The following RYR3 variants were observed in gnomAD, a reference collection of about 807,000 sequenced individuals.
The protein encoded by RYR3 is brain ryanodine receptor-calcium release channel.
A neutral mutation model predicts 584.3 loss-of-function variants in RYR3; 207 were observed. The ratio of observed to expected loss-of-function variants is 0.35; its 90% CI spans 0.32 to 0.40. RYR3 has a LOEUF of 0.40. Ranked by LOEUF, RYR3 falls within the 10% of genes least tolerant of loss-of-function variation. RYR3 has a pLI of 1.00. For missense variants in RYR3, 5,616 were observed against 6,089.2 expected, an observed-to-expected ratio of 0.92 and a Z score of 2.59; for synonymous variants, 2,416 against 2,248.5, an observed-to-expected ratio of 1.07 and a Z score of -2.11.
intron 1 of RYR3, among the ~76,000 whole-genome samples, chr15:33,328,659 A>G (rs950432876): frequency 1.3e-5 from 2 of 152,192 alleles, no homozygotes; most frequent in African/African-American, 4.8e-5. Context: ...TTCAGATGTT[A>G]CAGAGGTGTA....
At position 33,584,560 on chromosome 15, in the gene RYR3, A is replaced by C; in HGVS notation, c.1669+70A>C. ...TTTTTTTCTTTCTGTAAAAAAAGAA[A>C]ACAAAGTTGAATCTTTTCCAATGGA... On this transcript the variant is annotated intron_variant, in intron 15 of 103. Coordinates refer to ENST00000634891, the MANE Select transcript of RYR3 (RefSeq NM_001036.6). 9 of 712,970 alleles carry C rather than the reference A, an allele frequency of 1.3e-5. No homozygotes were observed. In the South Asian group the frequency reaches 1.6e-4, roughly 13 times the overall value. 44.2% of individuals were successfully genotyped at this position (712,970 alleles called of 1,614,324 possible).
rs561810129 is a variant in RYR3 at position 33,813,349 on chromosome 15, T to C, written c.10390-118T>C. 8.8e-5 allele frequency: 72 copies of C among 821,774 alleles called. No individual in the cohort carries two copies. The African/African-American group carries it at 1.1e-3, about 13-fold the overall frequency. 50.9% of individuals were successfully genotyped at this position (821,774 alleles called of 1,614,324 possible). ...TCATCTGCTCCTGGGTGCATTTTGC[T>C]AACTACAGTTGAGAAGCCAAAATTC... On this transcript the variant is annotated intron_variant, in intron 73 of 103. Coordinates refer to ENST00000634891, the MANE Select transcript of RYR3 (RefSeq NM_001036.6).
chr15:33,326,945 C>G (rs546552550), intron 1 of RYR3, among the ~76,000 whole-genome samples: 1 of 151,530 alleles, frequency 6.6e-6, no homozygotes, highest in African/African-American at 2.4e-5. Context: ...ATGTCTGATA[C>G]TAAATCATTT....
At chr15:33,831,587 A>G (rs2077678527) in intron 86 of RYR3, among the ~76,000 whole-genome samples, 1 of 152,250 alleles carries the variant, frequency 6.6e-6, no homozygotes, top group Non-Finnish European at 1.5e-5. Flanking sequence ...AGAAGCGCAC[A>G]AACTACATGC....
intron 48 of RYR3, among the ~76,000 whole-genome samples, chr15:33,735,035 C>T (rs919748622): frequency 0.15 from 25 of 166 alleles, no homozygotes; most frequent in African/African-American, 0.29. Context: ...AGCTCACAGC[C>T]CCTATTACTG....
chr15:33,836,158 G>A (rs1405660837), intron 87 of RYR3, among the ~76,000 whole-genome samples: 1 of 121,788 alleles, frequency 8.2e-6, no homozygotes, highest in Admixed American at 8.3e-5. Flanking sequence ...CTTTTCTTTT[G>A]CTTTTTTTTT....
chr15:33,538,114 TC>T (rs1305352231), intron 5 of RYR3, among the ~76,000 whole-genome samples: 1 of 152,156 alleles, frequency 6.6e-6, no homozygotes, highest in Non-Finnish European at 1.5e-5. Context: ...TTTTAAGTTT[TC>T]ATTTGTTCTT....
intron 1 of RYR3, among the ~76,000 whole-genome samples, chr15:33,420,711 T>C (rs943993078): frequency 1.3e-5 from 2 of 152,144 alleles, no homozygotes; most frequent in African/African-American, 4.8e-5. Context: ...AAAACTGAGC[T>C]GCTGTTTATT....
At chr15:33,407,167 A>C (rs1405063381) in intron 1 of RYR3, among the ~76,000 whole-genome samples, 1 of 152,236 alleles carries the variant, frequency 6.6e-6, no homozygotes, top group South Asian at 2.1e-4. Context: ...TAATCCATTC[A>C]TGAGGGCTTT....
In RYR3 at chr15:33,823,037, C is replaced by G; in HGVS notation, c.11037C>G (p.Phe3679Leu). The stretch of plus-strand genomic sequence containing the variant: ...TAAAGGAGAAAAAGGATGCTGGATT[C>G]TTTCAAAGCCTTTCTGGTCTTATGC... ...DYLKEKKDAGFFQSLSGLMQS... is the reference protein window; with the variant it reads ...DYLKEKKDAGLFQSLSGLMQS... Residue 3679 changes from phenylalanine to leucine, a missense_variant, in exon 81 of 104, where the codon TTC (phenylalanine) becomes TTG (leucine). Coordinates refer to ENST00000634891, the MANE Select transcript of RYR3 (RefSeq NM_001036.6). 2 of 1,613,568 alleles carry G rather than the reference C, an allele frequency of 1.2e-6. No individual in the cohort carries two copies. Among genetic ancestry groups the G allele is most frequent in the Non-Finnish European group, 1.7e-6 (2 of 1,179,686 alleles).
At chr15:33,792,834 T>C (rs919441380) in intron 67 of RYR3, among the ~76,000 whole-genome samples, 3 of 152,180 alleles carry the variant, frequency 2.0e-5, no homozygotes, top group Non-Finnish European at 2.9e-5. Flanking sequence ...TGTAACCAAA[T>C]ATGTGTCAGT....
intron 103 of RYR3, among the ~76,000 whole-genome samples, chr15:33,864,487 G>A (rs1259952126): frequency 6.6e-6 from 1 of 152,136 alleles, no homozygotes; most frequent in Non-Finnish European, 1.5e-5. Flanking sequence ...GAAATGGAGT[G>A]GGTGGCTGCA....
chr15:33,410,783 A>G (rs2043348765), intron 1 of RYR3, among the ~76,000 whole-genome samples: 1 of 152,214 alleles, frequency 6.6e-6, no homozygotes, highest in South Asian at 2.1e-4. Flanking sequence ...CTCCTAATAA[A>G]GACATACCCA....
chr15:33,714,014 A>AT (rs1207207410), intron 43 of RYR3, among the ~76,000 whole-genome samples: 1 of 152,170 alleles, frequency 6.6e-6, no homozygotes, highest in African/African-American at 2.4e-5. Flanking sequence ...AGTGGATACA[A>AT]TTATCTTCAT....
intron 43 of RYR3, among the ~76,000 whole-genome samples, chr15:33,720,275 C>G (rs1013130327): frequency 1.3e-5 from 2 of 152,176 alleles, no homozygotes; most frequent in African/African-American, 4.8e-5. Context: ...GAGGTAGACT[C>G]TTCAGGGCTG....
chr15:33,815,764 G>A (rs2152952343), intron 74 of RYR3: 2 of 397,526 alleles, frequency 5.0e-6, no homozygotes, highest in Middle Eastern at 6.3e-4. Context: ...GGGCTAAAGG[G>A]ATTTGTTTTA....
chr15:33,727,205 C>G (rs1162470024), intron 46 of RYR3, among the ~76,000 whole-genome samples: 1 of 152,234 alleles, frequency 6.6e-6, no homozygotes, highest in Non-Finnish European at 1.5e-5. Context: ...TGTTTTCCCC[C>G]AGTGCTACCT....
At chr15:33,485,956 T>G (rs2050382333) in intron 2 of RYR3, among the ~76,000 whole-genome samples, 1 of 152,064 alleles carries the variant, frequency 6.6e-6, no homozygotes, top group Non-Finnish European at 1.5e-5. Flanking sequence ...GGGAGAGTAG[T>G]TTAATGAGTG....
At position 33,660,182 on chromosome 15, in the gene RYR3, T is replaced by G; in HGVS notation, c.4396-15T>G. 6.5e-7 allele frequency: 1 copy of G among 1,536,814 alleles called. No homozygotes were observed. The highest frequency in any genetic ancestry group is 8.8e-7 in the Non-Finnish European group (1 of 1,134,042). ...CTGTGTGTTTCTTTTCCAATGCCTT[T>G]CCCACGTGCCCCAGAACGCAATGCC... On this transcript the variant is annotated splice_polypyrimidine_tract_variant and intron_variant, in intron 33 of 103. Coordinates refer to ENST00000634891, the MANE Select transcript of RYR3 (RefSeq NM_001036.6).
Sources: allele counts gnomAD v4.1 joint callset (sites outside exome capture counted in the v4.1 genomes callset), GRCh38; gene constraint gnomAD v4.1.1; transcripts MANE v1.5; gene names NCBI Gene and HGNC (gene_info 2026-07-23, HGNC 2026-07-21).